The following BCL2L11 variants were observed in gnomAD, a reference collection of about 807,000 sequenced individuals.
BCL2L11 encodes the protein BCL2 like 11.
A neutral mutation model predicts 20.6 loss-of-function variants in BCL2L11; 15 were observed. The observed-to-expected ratio is 0.73, with a 90% confidence interval of 0.49 to 1.12. The LOEUF (loss-of-function observed/expected upper bound fraction) is 1.12, where lower values mean the gene tolerates loss of function less well. Ranked by LOEUF, BCL2L11 falls within the 50% of genes most tolerant of loss-of-function variation. BCL2L11 has a pLI of 0.00. For synonymous variants in BCL2L11, 108 were observed against 92.8 expected (o/e 1.16, Z -0.94); for missense variants, 292 against 260.9 (o/e 1.12, Z -0.82).
chr2:111,159,900 C>T (rs7590661), intron 3 of BCL2L11, among the ~76,000 whole-genome samples: 1,838 of 152,210 alleles, frequency 0.012, 38 homozygotes, highest in African/African-American at 0.042. Context: ...GTTGAATGCT[C>T]GACACCGTCT....
chr2:111,158,780 G>C lies in BCL2L11; in HGVS notation c.499-5353G>C, dbSNP rs183277101. On this transcript the variant is annotated intron_variant, in intron 3 of 3. Coordinates refer to ENST00000393256, the MANE Select transcript of BCL2L11 (RefSeq NM_138621.5). Reference sequence around the variant, plus strand: ...TTTCCCTCGTTGCTCTGACTGCCAGGAAACTCTTAACTAAACTGTGGCTCT... The same window carrying C: ...TTTCCCTCGTTGCTCTGACTGCCAGCAAACTCTTAACTAAACTGTGGCTCT... Among the ~76,000 whole-genome samples, 34 of 152,326 alleles carry C rather than the reference G, an allele frequency of 2.2e-4. No homozygotes were observed. The East Asian group carries it at 3.9e-3, about 17-fold the overall frequency.
At chr2:111,145,533 C>G (rs1057246469) in intron 2 of BCL2L11, among the ~76,000 whole-genome samples, 4 of 152,122 alleles carry the variant, frequency 2.6e-5, no homozygotes, top group African/African-American at 4.8e-5. Flanking sequence ...GTGGCTGCTG[C>G]TACAGAAAGT....
intron 3 of BCL2L11, among the ~76,000 whole-genome samples, chr2:111,163,764 CT>C (rs1468485748): frequency 3.3e-5 from 5 of 152,092 alleles, no homozygotes; most frequent in East Asian, 1.9e-4. Flanking sequence ...AAATTCACCC[CT>C]GGGGGAATCT....
At chr2:111,122,595 T>TCGGCGGTGCCGGCGG in intron 1 of BCL2L11, 1 of 984,032 alleles carries the variant, frequency 1.0e-6, no homozygotes, top group African/African-American at 1.8e-5. Context: ...CGCGGGGAGG[T>TCGGCGGTGCCGGCGG]CGGCGGTGCC....
intron 2 of BCL2L11, among the ~76,000 whole-genome samples, chr2:111,147,346 T>TCTCTCTCTCTCACACA (rs760779894): frequency 1.5e-5 from 2 of 137,332 alleles, no homozygotes; most frequent in African/African-American, 2.9e-5. Flanking sequence ...TCTCTCTCTC[T>TCTCTCTCTCTCACACA]CACACACACA....
intron 2 of BCL2L11, among the ~76,000 whole-genome samples, chr2:111,135,695 G>T (rs1225687170): frequency 6.6e-6 from 1 of 152,216 alleles, no homozygotes; most frequent in Admixed American, 6.5e-5. Context: ...GACACCCAAG[G>T]CTGGGGCTGG....
rs2072301366 is a variant in BCL2L11, at chr2:111,125,270, C to G, written c.394+1131C>G. On this transcript the variant is annotated intron_variant, in intron 2 of 3. Coordinates refer to ENST00000393256, the MANE Select transcript of BCL2L11 (RefSeq NM_138621.5). ...AAACATCTGCAGACTTGATTTGGCC[C>G]TTGAACCTACAGCATGTGACTTTGG... 1.3e-5 allele frequency among the ~76,000 whole-genome samples: 2 copies of G among 152,214 alleles called. 1 individual carries two copies. Among genetic ancestry groups the G allele is most frequent in the South Asian group, 4.1e-4 (2 of 4,832 alleles).
intron 2 of BCL2L11, among the ~76,000 whole-genome samples, chr2:111,125,427 A>G (rs1292789376): frequency 6.6e-6 from 1 of 152,106 alleles, no homozygotes; most frequent in East Asian, 1.9e-4. Context: ...TTAGCTTGCC[A>G]TACATGAACA....
chr2:111,141,124 T>A (rs1021654035), intron 2 of BCL2L11, among the ~76,000 whole-genome samples: 2 of 152,228 alleles, frequency 1.3e-5, no homozygotes, highest in Admixed American at 1.3e-4. Context: ...ATCTCAGTGT[T>A]AGGGCCATGG....
intron 3 of BCL2L11, among the ~76,000 whole-genome samples, chr2:111,161,784 G>T (rs1196624674): frequency 1.3e-5 from 2 of 152,102 alleles, no homozygotes; most frequent in Admixed American, 1.3e-4. Flanking sequence ...CATCTTAGGG[G>T]GCTTTCTCTA....
intron 3 of BCL2L11, among the ~76,000 whole-genome samples, chr2:111,154,897 T>A (rs1211189627): frequency 3.3e-5 from 5 of 152,254 alleles, no homozygotes; most frequent in Non-Finnish European, 7.3e-5. Context: ...TCTTAATGAT[T>A]TGGCGGGAGG....
chr2:111,131,145 G>A (rs1327529716), intron 2 of BCL2L11, among the ~76,000 whole-genome samples: 2 of 138,278 alleles, frequency 1.4e-5, no homozygotes, highest in Non-Finnish European at 3.0e-5. Flanking sequence ...TGTAAAATTG[G>A]TATTGATTCT....
chr2:111,144,483 T>G (rs1032254165), intron 2 of BCL2L11: 50 of 1,550,504 alleles, frequency 3.2e-5, no homozygotes, highest in Non-Finnish European at 4.3e-5. Context: ...TCCTTTGCCT[T>G]ATAGCTAACT....
At chr2:111,149,480 G>A (rs1575132411) in intron 2 of BCL2L11, among the ~76,000 whole-genome samples, 1 of 152,142 alleles carries the variant, frequency 6.6e-6, no homozygotes, top group Non-Finnish European at 1.5e-5. Context: ...TGGCCCTGGG[G>A]TAGCCATTCT....
chr2:111,156,177 C>CT (rs2077830636), intron 3 of BCL2L11, among the ~76,000 whole-genome samples: 1 of 152,114 alleles, frequency 6.6e-6, no homozygotes, highest in Non-Finnish European at 1.5e-5. Flanking sequence ...TCTCAGCGTA[C>CT]TTTGGAGGTC....
chr2:111,167,600 G>C lies in BCL2L11; in HGVS notation c.*3369G>C, dbSNP rs2079083895. 6.6e-6 allele frequency: 1 copy of C among 152,262 alleles called. No individual in the cohort carries two copies. The allele number at this position is 152,262 out of a possible 1,614,324, so 9.4% of individuals were successfully genotyped here. A position where few individuals can be genotyped will look rare whatever the true frequency, so the allele number is the denominator to read the frequency against. ...GCTGCATTGCAGTTGTTCAGGGCTA[G>C]GGCCAGGCAGGACAAGTGAATGGGT... On this transcript the variant is annotated 3_prime_UTR_variant, in exon 4 of 4. Transcript: ENST00000393256.
intron 1 of BCL2L11, chr2:111,122,612 G>C (rs1288242634): frequency 2.0e-6 from 2 of 984,542 alleles, no homozygotes; most frequent in Admixed American, 6.2e-5. Flanking sequence ...TGCCGGCGGC[G>C]GCGGGCGCAG....
In BCL2L11 at chr2:111,163,862, T is replaced by C. The variant is rs532716306; in HGVS notation, c.499-271T>C. Among the ~76,000 whole-genome samples, 27 of 40,518 alleles carry C rather than the reference T, an allele frequency of 6.7e-4. No homozygotes were observed. In the East Asian group the frequency reaches 0.03, roughly 46 times the overall value. 26.6% of individuals were successfully genotyped at this position (40,518 alleles called of 152,430 possible). On this transcript the variant is annotated intron_variant, in intron 3 of 3. Transcript: ENST00000393256. ...GTTTTTCAAACATTTTTTTGAGTGCTTTTTTTTTTTTTTTTTTTTTTCCTA... is the reference window on the plus strand; with the variant it reads ...GTTTTTCAAACATTTTTTTGAGTGCCTTTTTTTTTTTTTTTTTTTTTCCTA...
chr2:111,153,517 A>ATATTGGGGGCAGAAATC, intron 3 of BCL2L11, among the ~76,000 whole-genome samples: 1 of 152,310 alleles, frequency 6.6e-6, no homozygotes, highest in East Asian at 1.9e-4. Context: ...CCATTGTTAA[A>ATATTGGGGGCAGAAATC]TATTGGGGGC....
Sources: allele counts gnomAD v4.1 joint callset (sites outside exome capture counted in the v4.1 genomes callset), GRCh38; gene constraint gnomAD v4.1.1; transcripts MANE v1.5; gene names NCBI Gene and HGNC (gene_info 2026-07-23, HGNC 2026-07-21).